Variants in LRRTM3 observed in about 807,000 individuals in gnomAD.
LRRTM3 encodes the protein leucine-rich repeat transmembrane neuronal protein 3.
LRRTM3 carries 24 observed loss-of-function variants against 44.7 expected under a neutral mutation model. That is an observed-to-expected ratio of 0.54 (90% CI 0.39 to 0.76). The LOEUF is 0.76. Among genes scored for constraint, LRRTM3 ranks in the 30% least tolerant of loss-of-function variants. The pLI is 0.00. For synonymous variants in LRRTM3, 277 were observed against 278.7 expected, an observed-to-expected ratio of 0.99 and a Z score of 0.06; for missense variants, 587 against 702.2, an observed-to-expected ratio of 0.84 and a Z score of 1.85.
intron 2 of LRRTM3, among the ~76,000 whole-genome samples, chr10:67,018,992 A>G (rs1240673792): frequency 6.6e-6 from 1 of 152,236 alleles, no homozygotes; most frequent in Non-Finnish European, 1.5e-5. Flanking sequence ...TTATTAGATC[A>G]TAAGTATCTT....
intron 2 of LRRTM3, among the ~76,000 whole-genome samples, chr10:67,059,768 T>G (rs1564862265): frequency 6.6e-6 from 1 of 152,194 alleles, no homozygotes; most frequent in Non-Finnish European, 1.5e-5. Context: ...AGTTTAGCTA[T>G]GTTAATCTGT....
chr10:66,984,181 T>C (rs1298633653), intron 2 of LRRTM3, among the ~76,000 whole-genome samples: 3 of 152,138 alleles, frequency 2.0e-5, no homozygotes, highest in Admixed American at 6.6e-5. Context: ...GTCAAGACAA[T>C]GTATTTACCA....
At chr10:67,025,057 G>C (rs1169998458) in intron 2 of LRRTM3, among the ~76,000 whole-genome samples, 1 of 150,464 alleles carries the variant, frequency 6.6e-6, no homozygotes, top group African/African-American at 2.5e-5. Context: ...TTGAACCCAG[G>C]AGCGGAGGTT....
chr10:67,084,704 G>T (rs1457885285), intron 2 of LRRTM3, among the ~76,000 whole-genome samples: 1 of 151,734 alleles, frequency 6.6e-6, no homozygotes, highest in East Asian at 1.9e-4. Context: ...AATAGAATGA[G>T]AAATAATAAA....
chr10:66,938,886 T>C (rs1589453795), intron 2 of LRRTM3, among the ~76,000 whole-genome samples: 1 of 152,148 alleles, frequency 6.6e-6, no homozygotes, highest in African/African-American at 2.4e-5. Flanking sequence ...AGAGGCTAGG[T>C]AGTCAACGTT....
chr10:66,926,811 GTTAT>G (rs954136411), intron 1 of LRRTM3, 106 bp from the exon 2 acceptor site: 135 of 1,028,730 alleles, frequency 1.3e-4, no homozygotes, highest in Middle Eastern at 2.9e-4. Flanking sequence ...GATGTTAAGT[GTTAT>G]TTAGATTTAA....
rs1414649186 is a variant in LRRTM3 at position 66,958,594 on chromosome 10, TTTATTAAATACTTACAGAAAACAAA to T, written c.1536+30143_1536+30167del. Among the ~76,000 whole-genome samples the T allele has an allele frequency of 7.6e-4, 115 of 152,230 alleles. 1 individual carries two copies. The highest frequency in any genetic ancestry group is 2.7e-3 in the African/African-American group (111 of 41,540). On this transcript the variant is annotated intron_variant, in intron 2 of 2. Transcript: ENST00000361320. Reference sequence around the variant, plus strand: ...TAAGTAAGTAAGCGAATCCTGCCATTTTATTAAATACTTACAGAAAACAAAAGCAAAGCAAGCTTTAACTCAGCCG... The same window carrying T: ...TAAGTAAGTAAGCGAATCCTGCCATTAGCAAAGCAAGCTTTAACTCAGCCG...
chr10:67,008,521 A>G (rs752469877), intron 2 of LRRTM3, among the ~76,000 whole-genome samples: 1 of 152,106 alleles, frequency 6.6e-6, no homozygotes, highest in Non-Finnish European at 1.5e-5. Flanking sequence ...TATAAGAACA[A>G]TAATGTATTT....
At chr10:66,973,996 GT>G (rs1168625977) in intron 2 of LRRTM3, among the ~76,000 whole-genome samples, 2 of 151,990 alleles carry the variant, frequency 1.3e-5, no homozygotes, top group Non-Finnish European at 2.9e-5. Flanking sequence ...GGTTTAATAG[GT>G]TTTACCAACT....
chr10:67,061,814 T>C (rs2182161), intron 2 of LRRTM3, among the ~76,000 whole-genome samples: 77,048 of 152,030 alleles, frequency 0.51, 19,867 homozygotes, highest in Middle Eastern at 0.64. Flanking sequence ...AACAAATTCC[T>C]CATTGGCAGA....
At chr10:66,999,401 G>A (rs1463623411) in intron 2 of LRRTM3, among the ~76,000 whole-genome samples, 1 of 152,064 alleles carries the variant, frequency 6.6e-6, no homozygotes, top group Non-Finnish European at 1.5e-5. Flanking sequence ...ATCAAGGATA[G>A]GTAAGCATCT....
chr10:67,005,682 C>CTTTTTTTTTTGTTTTTT (rs1851927956), intron 2 of LRRTM3, among the ~76,000 whole-genome samples: 1 of 61,976 alleles, frequency 1.6e-5, no homozygotes, highest in East Asian at 6.8e-4. Flanking sequence ...TTTACTCCAT[C>CTTTTTTTTTTGTTTTTT]TTTTTTTTTT....
chr10:67,013,046 A>C (rs1033914120), intron 2 of LRRTM3: 6 of 152,176 alleles, frequency 3.9e-5, no homozygotes, highest in African/African-American at 1.2e-4. Context: ...TTTAAGCAAT[A>C]CTGTTATACA....
At chr10:67,040,900 G>C (rs1391028812) in intron 2 of LRRTM3, among the ~76,000 whole-genome samples, 3 of 152,000 alleles carry the variant, frequency 2.0e-5, no homozygotes, top group Non-Finnish European at 4.4e-5. Context: ...AGATAAAAAA[G>C]ACCTTGACTG....
intron 2 of LRRTM3, among the ~76,000 whole-genome samples, chr10:67,083,222 A>G (rs1857137052): frequency 1.3e-5 from 2 of 152,204 alleles, no homozygotes; most frequent in African/African-American, 4.8e-5. Flanking sequence ...TCCTCAAGTA[A>G]AAAGAAAGTG....
intron 2 of LRRTM3, among the ~76,000 whole-genome samples, chr10:66,937,742 A>G (rs899793829): frequency 6.6e-5 from 10 of 151,856 alleles, no homozygotes; most frequent in African/African-American, 2.2e-4. Context: ...ATGCTTCCCA[A>G]TCTCTGTGCT....
intron 2 of LRRTM3, among the ~76,000 whole-genome samples, chr10:66,934,966 G>C (rs1301152607): frequency 6.6e-6 from 1 of 152,110 alleles, no homozygotes; most frequent in Non-Finnish European, 1.5e-5. Context: ...GAATGAAAAT[G>C]TCATCAGACA....
chr10:66,958,975 T>C (rs1007913881), intron 2 of LRRTM3, among the ~76,000 whole-genome samples: 2 of 151,918 alleles, frequency 1.3e-5, no homozygotes, highest in Non-Finnish European at 2.9e-5. Context: ...GGAGAGAGAG[T>C]GTAAATGAAT....
At chr10:67,086,505 C>T (rs1387373326) in intron 2 of LRRTM3, among the ~76,000 whole-genome samples, 1 of 151,978 alleles carries the variant, frequency 6.6e-6, no homozygotes, top group African/African-American at 2.4e-5. Flanking sequence ...TCCTGAAATG[C>T]TCCTCTGCAA....
Sources: gnomAD v4.1 joint callset for allele counts (sites outside exome capture counted in the v4.1 genomes callset) on GRCh38, gnomAD v4.1.1 for gene constraint, MANE v1.5 for transcripts, NCBI Gene and HGNC (gene_info 2026-07-23, HGNC 2026-07-21) for gene names.